Variants in PLCB1 observed in about 807,000 individuals in gnomAD.
PLCB1 encodes 1-phosphatidylinositol 4,5-bisphosphate phosphodiesterase beta-1.
A neutral mutation model predicts 161.8 loss-of-function variants in PLCB1; 46 were observed. The observed-to-expected ratio is 0.28, with a 90% confidence interval of 0.22 to 0.36. The LOEUF (loss-of-function observed/expected upper bound fraction) is 0.36. PLCB1 is among the 10% of genes least tolerant of loss of function. PLCB1 has a pLI of 1.00. For synonymous variants in PLCB1, 517 were observed against 503.7 expected, an observed-to-expected ratio of 1.03 and a Z score of -0.35; for missense variants, 1,016 against 1,472.5, an observed-to-expected ratio of 0.69 and a Z score of 5.07.
chr20:8,166,111 C>T (rs1225883318), intron 2 of PLCB1, among the ~76,000 whole-genome samples: 1 of 152,130 alleles, frequency 6.6e-6, no homozygotes, highest in African/African-American at 2.4e-5. Context: ...CCTATATCCC[C>T]TCTTGACCCT....
intron 31 of PLCB1, among the ~76,000 whole-genome samples, chr20:8,825,243 T>C (rs1214709596): frequency 6.6e-6 from 1 of 152,218 alleles, no homozygotes; most frequent in Non-Finnish European, 1.5e-5. Context: ...GAACTAATTG[T>C]CTAGCTACAA....
chr20:8,674,995 A>G (rs945947176), intron 9 of PLCB1, among the ~76,000 whole-genome samples: 1 of 151,996 alleles, frequency 6.6e-6, no homozygotes, highest in Admixed American at 6.6e-5. Flanking sequence ...TTTAGATTTG[A>G]TGGTATAATT....
chr20:8,436,393 A>C (rs1980308713), intron 3 of PLCB1, among the ~76,000 whole-genome samples: 2 of 151,384 alleles, frequency 1.3e-5, no homozygotes, highest in Non-Finnish European at 2.9e-5. Context: ...AGCAATGACT[A>C]TTTCTGCTTC....
chr20:8,264,394 G>A (rs1981850053), intron 2 of PLCB1, among the ~76,000 whole-genome samples: 1 of 152,000 alleles, frequency 6.6e-6, no homozygotes, highest in African/African-American at 2.4e-5. Flanking sequence ...TTAATTATTA[G>A]GAAGAGTATA....
chr20:8,629,974 CTTTCTTTCTTTCT>C (rs1988521678), intron 4 of PLCB1, among the ~76,000 whole-genome samples: 4 of 26,970 alleles, frequency 1.5e-4, no homozygotes, highest in African/African-American at 4.9e-4. Context: ...TTCTTTCTTT[CTTTCTTTCTTTCT>C]TTCTTTCTTT....
At position 8,870,207 on chromosome 20, in the gene PLCB1, G is replaced by A. The variant is rs1987564667; in HGVS notation, c.3424-11415G>A. 2.0e-5 allele frequency among the ~76,000 whole-genome samples: 3 copies of A among 152,284 alleles called. No homozygotes were observed. In the South Asian group the frequency reaches 6.2e-4, roughly 32 times the overall value. On this transcript the variant is annotated intron_variant, in intron 31 of 31. Coordinates refer to ENST00000338037, the MANE Select transcript of PLCB1 (RefSeq NM_015192.4). ...AGAGAATTGACGAGGTCCTGGTCCT[G>A]GTTTTGCTACTAGCCAGCCATATCC...
At chr20:8,195,778 G>T (rs1310694619) in intron 2 of PLCB1, among the ~76,000 whole-genome samples, 1 of 152,056 alleles carries the variant, frequency 6.6e-6, no homozygotes, top group Non-Finnish European at 1.5e-5. Flanking sequence ...GTATTGGTCA[G>T]TTACTTTATG....
intron 3 of PLCB1, among the ~76,000 whole-genome samples, chr20:8,375,549 T>C (rs908692087): frequency 4.6e-5 from 7 of 151,288 alleles, no homozygotes; most frequent in African/African-American, 1.7e-4. Flanking sequence ...CAGCATAAAG[T>C]GTAATTTTTA....
intron 6 of PLCB1, among the ~76,000 whole-genome samples, chr20:8,649,136 G>T (rs573329238): frequency 3.6e-4 from 54 of 151,954 alleles, no homozygotes; most frequent in Non-Finnish European, 6.6e-4. Flanking sequence ...TTTTTAATTG[G>T]GTCAGCACCA....
intron 7 of PLCB1, among the ~76,000 whole-genome samples, chr20:8,650,282 C>T (rs187457843): frequency 1.5e-4 from 23 of 151,860 alleles, no homozygotes; most frequent in East Asian, 7.8e-4. Context: ...ACAGGGGGAG[C>T]GGAAGCAGCT....
chr20:8,398,777 T>C (rs1248381025), intron 3 of PLCB1, among the ~76,000 whole-genome samples: 2 of 152,064 alleles, frequency 1.3e-5, no homozygotes, highest in Non-Finnish European at 2.9e-5. Flanking sequence ...TTTTTTTTTT[T>C]CATCTGGTAT....
intron 31 of PLCB1, among the ~76,000 whole-genome samples, chr20:8,817,611 C>A (rs1473785460): frequency 6.6e-6 from 1 of 152,186 alleles, no homozygotes; most frequent in Non-Finnish European, 1.5e-5. Flanking sequence ...ATCCTCTGGG[C>A]TCCTGACATA....
At chr20:8,482,336 T>C (rs1423496472) in intron 3 of PLCB1, among the ~76,000 whole-genome samples, 2 of 152,110 alleles carry the variant, frequency 1.3e-5, no homozygotes, top group Non-Finnish European at 2.9e-5. Context: ...TCTCTTGATC[T>C]TGTGATCCAC....
At chr20:8,789,963 T>G (rs1200884557) in intron 30 of PLCB1, among the ~76,000 whole-genome samples, 1 of 152,118 alleles carries the variant, frequency 6.6e-6, no homozygotes, top group Non-Finnish European at 1.5e-5. Flanking sequence ...GTAAGAACAG[T>G]GCAGTCCATT....
intron 3 of PLCB1, among the ~76,000 whole-genome samples, chr20:8,523,484 CTCT>C (rs1984439068): frequency 1.7e-5 from 1 of 59,866 alleles, no homozygotes; most frequent in South Asian, 4.8e-4. Flanking sequence ...CTCTCTCTCT[CTCT>C]CTCTCTCTCT....
chr20:8,866,905 A>G (rs182377975), intron 31 of PLCB1, among the ~76,000 whole-genome samples: 2 of 152,348 alleles, frequency 1.3e-5, no homozygotes, highest in Admixed American at 1.3e-4. Flanking sequence ...CATAAACATC[A>G]TATTTAGAAG....
intron 9 of PLCB1, among the ~76,000 whole-genome samples, chr20:8,661,581 G>A (rs1383261288): frequency 6.6e-6 from 1 of 152,014 alleles, no homozygotes; most frequent in Non-Finnish European, 1.5e-5. Context: ...AAATTACAAA[G>A]ACCTTAGTAG....
At chr20:8,514,206 G>A (rs374699609) in intron 3 of PLCB1, among the ~76,000 whole-genome samples, 6 of 151,792 alleles carry the variant, frequency 4.0e-5, no homozygotes, top group East Asian at 3.9e-4. Flanking sequence ...TTGGTAGGCC[G>A]AGGTGGGCAG....
chr20:8,552,320 C>A (rs1365316137), intron 3 of PLCB1, among the ~76,000 whole-genome samples: 1 of 152,130 alleles, frequency 6.6e-6, no homozygotes, highest in African/African-American at 2.4e-5. Flanking sequence ...ATAGAGAAGA[C>A]CTTGAAGTTA....
Sources: allele counts gnomAD v4.1 joint callset (sites outside exome capture counted in the v4.1 genomes callset), GRCh38; gene constraint gnomAD v4.1.1; transcripts MANE v1.5; gene names NCBI Gene and HGNC (gene_info 2026-07-23, HGNC 2026-07-21).